The following PPP3CB variants were observed in gnomAD, a reference collection of about 807,000 sequenced individuals.
PPP3CB encodes serine/threonine-protein phosphatase 2B catalytic subunit beta isoform.
In PPP3CB, 8 loss-of-function variants were observed where a neutral mutation model predicts 66.4. The ratio of observed to expected loss-of-function variants is 0.12; its 90% CI spans 0.07 to 0.22. The LOEUF is 0.22. Among genes scored for constraint, PPP3CB ranks in the 10% least tolerant of loss-of-function variants. The pLI is 1.00. For synonymous variants in PPP3CB, 208 were observed against 221.2 expected, an observed-to-expected ratio of 0.94 and a Z score of 0.53; for missense variants, 319 against 642.5, an observed-to-expected ratio of 0.50 and a Z score of 5.44.
chr10:73,484,471 C>T (rs1382299209), intron 1 of PPP3CB, among the ~76,000 whole-genome samples: 1 of 151,876 alleles, frequency 6.6e-6, no homozygotes, highest in African/African-American at 2.4e-5. Context: ...TGGGGTTTCA[C>T]AGTGTTCGCC....
intron 1 of PPP3CB, among the ~76,000 whole-genome samples, chr10:73,482,221 C>T (rs1209800459): frequency 6.7e-6 from 1 of 149,964 alleles, no homozygotes; most frequent in East Asian, 1.9e-4. Flanking sequence ...TTTTTTAGCA[C>T]TCTACTTGGG....
At position 73,470,722 on chromosome 10, in the gene PPP3CB, GA is replaced by G; in HGVS notation, c.946del (p.Ser316ArgfsTer6). The G allele has an allele frequency of 6.3e-7, 1 of 1,599,808 alleles. No individual in the cohort carries two copies. Among genetic ancestry groups the G allele is most frequent in the Non-Finnish European group, 8.5e-7 (1 of 1,171,356 alleles). On this transcript the variant is annotated frameshift_variant, in exon 8 of 14. Transcript: ENST00000360663. LOFTEE classifies it high-confidence loss of function. ...GTAGACATCTAAGTAATTAGGTGCC[GA>G]AAAAATTGTTATTAATGAAGGGAAC... ...TGFPSLITIFSAPNYLDVYNN... is the reference protein window; with the variant it reads ...TGFPSLITIFXAPNYLDVYNN...
At chr10:73,443,444 T>A (rs1275088406) in intron 12 of PPP3CB, among the ~76,000 whole-genome samples, 2 of 152,116 alleles carry the variant, frequency 1.3e-5, no homozygotes, top group East Asian at 1.9e-4. Flanking sequence ...AAATTGCCTA[T>A]TTTTTTCCCT....
chr10:73,470,570 T>C, intron 8 of PPP3CB, 117 bp downstream of exon 8: 2 of 620,810 alleles, frequency 3.2e-6, no homozygotes, highest in Non-Finnish European at 2.7e-6. Context: ...CTTACAGTTA[T>C]TTATAAAGAA....
At position 73,437,275 on chromosome 10, in the gene PPP3CB, A is replaced by C. The variant is rs1184714650; in HGVS notation, c.*967T>G. ...TAAAAATGATAGAAAGCCAGCAGCAAATCACCCTGGTGGCTCTCTAAGCAA... is the reference window on the plus strand; with the variant it reads ...TAAAAATGATAGAAAGCCAGCAGCACATCACCCTGGTGGCTCTCTAAGCAA... On this transcript the variant is annotated 3_prime_UTR_variant, in exon 14 of 14. Transcript: ENST00000360663. 3 of 152,700 alleles carry C rather than the reference A, an allele frequency of 2.0e-5. No individual in the cohort carries two copies. The highest frequency in any genetic ancestry group is 4.4e-5 in the Non-Finnish European group (3 of 68,050). The allele number at this position is 152,700 out of a possible 1,614,324, so 9.5% of individuals were successfully genotyped here.
At chr10:73,480,440 AT>A (rs57553384) in intron 1 of PPP3CB, among the ~76,000 whole-genome samples, 6,324 of 123,894 alleles carry the variant, frequency 0.051, 264 homozygotes, top group African/African-American at 0.15. Context: ...TATCCCTGTA[AT>A]TTTTTTTTTT....
chr10:73,479,438 C>G lies in PPP3CB; in HGVS notation c.165G>C (p.Leu55=). The stretch of plus-strand genomic sequence containing the variant: ...GACCTTCTTTCACCAAGTGGTTCTT[C>G]AGAACATCAACCCTGGGTATCCCAT... ...DLDGIPRVDV[L]KNHLVKEGRV... is the part of the protein sequence containing the mutation. Residue 55 remains leucine, a synonymous_variant, in exon 2 of 14, where the codon CTG becomes CTC. Transcript: ENST00000360663. 1 of 1,614,128 alleles carries G rather than the reference C, an allele frequency of 6.2e-7. No homozygotes were observed.
At chr10:73,462,050 G>C (rs1344374027) in intron 9 of PPP3CB, among the ~76,000 whole-genome samples, 2 of 151,380 alleles carry the variant, frequency 1.3e-5, no homozygotes, top group African/African-American at 4.9e-5. Context: ...CTTCCACCAT[G>C]AGAAGTTCCC....
At chr10:73,458,934 G>A (rs1376208623) in intron 9 of PPP3CB, among the ~76,000 whole-genome samples, 1 of 152,038 alleles carries the variant, frequency 6.6e-6, no homozygotes, top group East Asian at 1.9e-4. Flanking sequence ...GCCGGGCGTG[G>A]TGGTGCGTGC....
chr10:73,454,348 G>A, intron 10 of PPP3CB, 64 bp downstream of exon 10: 5 of 1,291,930 alleles, frequency 3.9e-6, no homozygotes, highest in Non-Finnish European at 2.2e-6. Context: ...TGTGTACTGA[G>A]GCTAGGCAGT....
chr10:73,486,860 T>C (rs1250365224), intron 1 of PPP3CB, among the ~76,000 whole-genome samples: 1 of 152,194 alleles, frequency 6.6e-6, no homozygotes, highest in African/African-American at 2.4e-5. Context: ...AGTTTACCCT[T>C]GTCCCTGCTA....
chr10:73,472,689 G>C (rs2056723299), intron 4 of PPP3CB, among the ~76,000 whole-genome samples: 1 of 151,908 alleles, frequency 6.6e-6, no homozygotes, highest in South Asian at 2.1e-4. Flanking sequence ...AAAATTCAAG[G>C]TTCATCCATT....
intron 9 of PPP3CB, among the ~76,000 whole-genome samples, chr10:73,455,303 G>A (rs79866669): frequency 0.15 from 22,884 of 152,028 alleles, 2,792 homozygotes; most frequent in African/African-American, 0.32. Context: ...TGACTATTCT[G>A]TATATTTTTT....
chr10:73,438,148 T>C lies in PPP3CB; in HGVS notation c.*94A>G. On this transcript the variant is annotated 3_prime_UTR_variant, in exon 14 of 14. Transcript: ENST00000360663. The stretch of plus-strand genomic sequence containing the variant: ...CACAATGGTTTCTTCAGAGAGACTG[T>C]GAAATTTACAGTCAGCTTGGCCGAC... 7.9e-7 allele frequency: 1 copy of C among 1,262,312 alleles called. No individual in the cohort carries two copies. The highest frequency in any genetic ancestry group is 2.5e-5 in the East Asian group (1 of 40,196). 78.2% of individuals were successfully genotyped at this position (1,262,312 alleles called of 1,614,324 possible).
Position 73,450,131 on chromosome 10 carries a change from C to T in PPP3CB, c.1187-3558G>A, listed in dbSNP as rs182782039. ...TTTAAATATACAAAAATTACTTCTT[C>T]CTTCCTGACACTCAGAAATCTCCAA... On this transcript the variant is annotated intron_variant, in intron 10 of 13. Transcript: ENST00000360663. Among the ~76,000 whole-genome samples the T allele has an allele frequency of 3.1e-3, 469 of 152,282 alleles. 1 individual carries two copies. Among genetic ancestry groups the T allele is most frequent in the Non-Finnish European group, 5.4e-3 (369 of 68,016 alleles).
At chr10:73,455,256 T>C (rs975268669) in intron 9 of PPP3CB, among the ~76,000 whole-genome samples, 8 of 152,224 alleles carry the variant, frequency 5.3e-5, no homozygotes, top group Non-Finnish European at 8.8e-5. Flanking sequence ...TATCTAACAA[T>C]CTGAACCCTT....
intron 1 of PPP3CB, among the ~76,000 whole-genome samples, chr10:73,483,526 G>A (rs889481673): frequency 6.6e-6 from 1 of 151,922 alleles, no homozygotes; most frequent in African/African-American, 2.4e-5. Flanking sequence ...CATGGTGGCC[G>A]CATGCCTGTT....
intron 9 of PPP3CB, chr10:73,467,284 G>GAA (rs796374578): frequency 1.7e-3 from 238 of 140,840 alleles, no homozygotes; most frequent in Middle Eastern, 0.014. Context: ...TTAAGCTAAA[G>GAA]AAAAAAAAAA....
At chr10:73,458,163 G>A (rs1250329184) in intron 9 of PPP3CB, among the ~76,000 whole-genome samples, 2 of 152,134 alleles carry the variant, frequency 1.3e-5, no homozygotes, top group African/African-American at 4.8e-5. Context: ...TAGAGACGGA[G>A]TCTCACTCTG....
Sources: gnomAD v4.1 joint callset for allele counts (sites outside exome capture counted in the v4.1 genomes callset) on GRCh38, gnomAD v4.1.1 for gene constraint, MANE v1.5 for transcripts, NCBI Gene and HGNC (gene_info 2026-07-23, HGNC 2026-07-21) for gene names.